The following TRMT11 variants were observed in gnomAD, a reference collection of about 807,000 sequenced individuals.
The protein encoded by TRMT11 is tRNA methyltransferase 11.
In TRMT11, 53 loss-of-function variants were observed where a neutral mutation model predicts 62.8. The observed-to-expected ratio is 0.84, with a 90% CI of 0.68 to 1.06. The LOEUF (loss-of-function observed/expected upper bound fraction) is 1.06. Among genes scored for constraint, TRMT11 ranks in the 50% least tolerant of loss-of-function variants. The pLI, the probability that TRMT11 is intolerant of heterozygous loss-of-function variation, is 0.00. For missense variants in TRMT11, 556 were observed against 553.4 expected (o/e 1.00, Z -0.05); for synonymous variants, 188 against 190.3 (o/e 0.99, Z 0.10).
chr6:126,048,905 A>G (rs1182804383), intron 16 of TRMT11, among the ~76,000 whole-genome samples: 2 of 152,146 alleles, frequency 1.3e-5, no homozygotes, highest in Non-Finnish European at 2.9e-5. Context: ...GTTCCAGTGC[A>G]ATCATTTGAC....
chr6:126,012,255 A>C (rs913362517), intron 9 of TRMT11, among the ~76,000 whole-genome samples: 1 of 152,172 alleles, frequency 6.6e-6, no homozygotes, highest in Non-Finnish European at 1.5e-5. Context: ...TTACTTATAT[A>C]AAATACATTT....
At chr6:126,131,189 C>G (rs62427022) in intron 21 of TRMT11, among the ~76,000 whole-genome samples, 10,108 of 152,022 alleles carry the variant, frequency 0.066, 433 homozygotes, top group Middle Eastern at 0.088. Flanking sequence ...TGTCTGAAGA[C>G]AACAGACAGG....
chr6:126,085,030 A>G (rs997856215), intron 17 of TRMT11, among the ~76,000 whole-genome samples: 2 of 152,172 alleles, frequency 1.3e-5, no homozygotes, highest in Non-Finnish European at 1.5e-5. Context: ...ATAGTTAATA[A>G]TAATGATGTT....
intron 21 of TRMT11, among the ~76,000 whole-genome samples, chr6:126,165,326 A>G (rs1338922677): frequency 6.6e-6 from 1 of 151,350 alleles, no homozygotes; most frequent in Non-Finnish European, 1.5e-5. Context: ...TGTCATTATG[A>G]TGCTAGCTGG....
intron 17 of TRMT11, among the ~76,000 whole-genome samples, chr6:126,077,183 T>A (rs1160269315): frequency 6.6e-6 from 1 of 152,210 alleles, no homozygotes; most frequent in Non-Finnish European, 1.5e-5. Context: ...CTAAATCACA[T>A]GACATTTGTT....
chr6:126,002,157 C>T (rs1471086354), intron 7 of TRMT11, among the ~76,000 whole-genome samples: 1 of 152,076 alleles, frequency 6.6e-6, no homozygotes, highest in African/African-American at 2.4e-5. Context: ...ATTATAGATC[C>T]TTTCAGTGGA....
rs539561978 is a variant in TRMT11 at position 126,111,126 on chromosome 6, T to C, written c.*1438-1740T>C. Among the ~76,000 whole-genome samples the C allele has an allele frequency of 9.2e-5, 14 of 152,156 alleles. No homozygotes were observed. In the East Asian group the frequency reaches 2.7e-3, roughly 29 times the overall value. On this transcript the variant is annotated intron_variant and NMD_transcript_variant, in intron 17 of 22. Coordinates refer to the TRMT11 transcript ENST00000648977. ...TGTGCTGCATGATCTAACACTTTAATCCTCTTCTGCCATGGCTCAGACCCC... is the reference window on the plus strand; with the variant it reads ...TGTGCTGCATGATCTAACACTTTAACCCTCTTCTGCCATGGCTCAGACCCC...
chr6:126,251,479 G>C, the TRMT11 span, among the ~76,000 whole-genome samples: 7 of 152,046 alleles, frequency 4.6e-5, no homozygotes, highest in South Asian at 8.3e-4. Context: ...TGTGAAAAGT[G>C]TTTAAAATTC....
At chr6:126,262,277 C>T in the TRMT11 span, among the ~76,000 whole-genome samples, 5 of 152,152 alleles carry the variant, frequency 3.3e-5, no homozygotes, top group Non-Finnish European at 5.9e-5. Context: ...ATGAACTTGC[C>T]GTCCAGCCAG....
chr6:125,998,648 C>A lies in TRMT11; in HGVS notation c.486C>A (p.Ile162=). 6.2e-7 allele frequency: 1 copy of A among 1,613,184 alleles called. No homozygotes were observed. Among genetic ancestry groups the A allele is most frequent in the Non-Finnish European group, 8.5e-7 (1 of 1,179,564 alleles). The change falls in exon 6 of 13, where the codon ATC becomes ATA. Residue 162 remains isoleucine (I), a synonymous_variant. Coordinates refer to ENST00000334379, the MANE Select transcript of TRMT11 (RefSeq NM_001031712.3). ...ATTATGGTTTAGACCCAAACTGCAT[C>A]CCTGAGAATCCACATAATATTTATT... is the stretch of plus-strand genomic sequence containing the variant. ...LEDYGLDPNC[I]PENPHNIYFG...
intron 16 of TRMT11, among the ~76,000 whole-genome samples, chr6:126,045,731 C>T (rs1776037398): frequency 6.6e-6 from 1 of 152,090 alleles, no homozygotes; most frequent in South Asian, 2.1e-4. Context: ...GGTGTACCTT[C>T]TTAGACAATA....
chr6:126,020,683 G>T (rs887882045), intron 11 of TRMT11, among the ~76,000 whole-genome samples: 2 of 152,136 alleles, frequency 1.3e-5, no homozygotes, highest in African/African-American at 2.4e-5. Context: ...TAAATTAGAC[G>T]TTTAAATTTT....
intron 21 of TRMT11, among the ~76,000 whole-genome samples, chr6:126,117,984 G>A (rs1182611245): frequency 6.6e-6 from 1 of 152,022 alleles, no homozygotes; most frequent in Non-Finnish European, 1.5e-5. Flanking sequence ...CCTCCAACTC[G>A]TCTGTTCAGG....
intron 21 of TRMT11, among the ~76,000 whole-genome samples, chr6:126,128,026 C>T (rs557536127): frequency 4.4e-4 from 67 of 152,006 alleles, no homozygotes; most frequent in South Asian, 3.1e-3. Flanking sequence ...GAAAGCCTAG[C>T]GGAATGGATT....
intron 1 of TRMT11, among the ~76,000 whole-genome samples, chr6:126,194,575 G>C (rs532000531): frequency 6.6e-6 from 1 of 152,270 alleles, no homozygotes; most frequent in East Asian, 1.9e-4. Flanking sequence ...TGCTCTAAAT[G>C]ACTTTAAAAA....
chr6:126,163,694 G>T (rs912330268), intron 21 of TRMT11, among the ~76,000 whole-genome samples: 1 of 152,032 alleles, frequency 6.6e-6, no homozygotes, highest in Non-Finnish European at 1.5e-5. Flanking sequence ...GGCTTTTTTT[G>T]GTTGGTAGGT....
chr6:125,991,592 C>T lies in TRMT11; in HGVS notation c.73-2165C>T, dbSNP rs551111223. ...AAAGTGCTGGGATTGCAGGTGGAGCCGCCATACCTGGCTGCTTAAAATATT... is the reference window on the plus strand; with the variant it reads ...AAAGTGCTGGGATTGCAGGTGGAGCTGCCATACCTGGCTGCTTAAAATATT... On this transcript the variant is annotated intron_variant, in intron 1 of 12. Coordinates refer to ENST00000334379, the MANE Select transcript of TRMT11 (RefSeq NM_001031712.3). Among the ~76,000 whole-genome samples, 25 of 152,020 alleles carry T rather than the reference C, an allele frequency of 1.6e-4. No individual in the cohort carries two copies. The East Asian group carries it at 3.9e-3, about 24-fold the overall frequency.
chr6:126,192,324 T>C lies in TRMT11; in HGVS notation n.144-6475T>C, dbSNP rs1778612663. Among the ~76,000 whole-genome samples the C allele has an allele frequency of 3.3e-5, 5 of 152,246 alleles. No homozygotes were observed. In the South Asian group the frequency reaches 1.0e-3, roughly 32 times the overall value. ...CAATTTTACTAAAATGGGTTAGCAA[T>C]TCTAAGAGTTTTTTGGTGAAGGCTT... On this transcript the variant is annotated intron_variant and non_coding_transcript_variant, in intron 1 of 3. Transcript: ENST00000444229.
intron 17 of TRMT11, among the ~76,000 whole-genome samples, chr6:126,105,298 C>T (rs756773868): frequency 2.0e-5 from 3 of 152,288 alleles, no homozygotes; most frequent in South Asian, 2.1e-4. Flanking sequence ...CAGCAAGAGA[C>T]GGGGTGGTAT....
Sources: allele counts gnomAD v4.1 joint callset (sites outside exome capture counted in the v4.1 genomes callset), GRCh38; gene constraint gnomAD v4.1.1; transcripts MANE v1.5; gene names NCBI Gene and HGNC (gene_info 2026-07-23, HGNC 2026-07-21).